Variants in TCF12 observed in about 807,000 individuals in gnomAD.
TCF12 encodes transcription factor 12, also known as DNA-binding protein HTF4.
A neutral mutation model predicts 86.0 loss-of-function variants in TCF12; 45 were observed. That is an observed-to-expected ratio of 0.52 (90% CI 0.41 to 0.67). The LOEUF is 0.67. Among genes scored for constraint, TCF12 ranks in the 30% least tolerant of loss-of-function variants. TCF12 has a pLI of 0.00. For missense variants in TCF12, 881 were observed against 859.9 expected (o/e 1.02, Z -0.31); for synonymous variants, 330 against 299.6 (o/e 1.10, Z -1.05).
At chr15:57,133,935 A>G (rs1881822168) in intron 5 of TCF12, among the ~76,000 whole-genome samples, 1 of 152,100 alleles carries the variant, frequency 6.6e-6, no homozygotes, top group Non-Finnish European at 1.5e-5. Context: ...TGTTGTTTTG[A>G]TATGCCACTT....
intron 17 of TCF12, 50 bp downstream of exon 17, chr15:57,262,258 G>A: frequency 7.8e-7 from 1 of 1,277,844 alleles, no homozygotes; most frequent in Non-Finnish European, 1.1e-6. Flanking sequence ...GATATCATTT[G>A]GAACACTGTC....
At chr15:57,177,919 C>T (rs1427771774) in intron 6 of TCF12, among the ~76,000 whole-genome samples, 1 of 152,020 alleles carries the variant, frequency 6.6e-6, no homozygotes, top group African/African-American at 2.4e-5. Context: ...CCATGTTGCC[C>T]AGGCTGCATT....
chr15:57,188,902 C>T (rs1176491650), intron 6 of TCF12, among the ~76,000 whole-genome samples: 1 of 152,208 alleles, frequency 6.6e-6, no homozygotes, highest in African/African-American at 2.4e-5. Flanking sequence ...ATCTTCCCAC[C>T]TCAGCCTCCT....
chr15:57,013,401 C>A (rs1046511431), intron 3 of TCF12, among the ~76,000 whole-genome samples: 10 of 152,190 alleles, frequency 6.6e-5, no homozygotes, highest in African/African-American at 2.4e-4. Flanking sequence ...ACCTCCACTT[C>A]CCAGGTTTAA....
At chr15:57,228,915 T>G (rs1361324865) in intron 8 of TCF12, among the ~76,000 whole-genome samples, 1 of 151,692 alleles carries the variant, frequency 6.6e-6, no homozygotes, top group Non-Finnish European at 1.5e-5. Flanking sequence ...AGAGACTGAC[T>G]TACTGTTTCA....
At position 57,275,981 on chromosome 15, in the gene TCF12, C is replaced by T. The variant is rs540599726; in HGVS notation, c.1978+2719C>T. ...TTAAGCTTTTCCATTATCATGACTA[C>T]AACGTTATTTGTACCTTTGCCATTT... is the stretch of plus-strand genomic sequence containing the variant. On this transcript the variant is annotated intron_variant, in intron 19 of 20. Transcript: ENST00000333725. Among the ~76,000 whole-genome samples, 33 of 152,296 alleles carry T rather than the reference C, an allele frequency of 2.2e-4. No homozygotes were observed. The East Asian group carries it at 6.0e-3, about 28-fold the overall frequency.
At position 57,289,619 on chromosome 15, in the gene TCF12, G is replaced by A. The variant is rs1055653305; in HGVS notation, c.*3474G>A. The A allele has an allele frequency of 1.3e-5, 2 of 151,882 alleles. No individual in the cohort carries two copies. Among genetic ancestry groups the A allele is most frequent in the African/African-American group, 4.8e-5 (2 of 41,334 alleles). The allele number at this position is 151,882 out of a possible 1,614,324, so 9.4% of individuals were successfully genotyped here. ...ACACACGTCGTGTGTGTGTGTGTGTGTGTGTCTGTGTGTGTGTGACTTAAA... is the reference window on the plus strand; with the variant it reads ...ACACACGTCGTGTGTGTGTGTGTGTATGTGTCTGTGTGTGTGTGACTTAAA... On this transcript the variant is annotated 3_prime_UTR_variant, in exon 21 of 21. Transcript: ENST00000333725.
intron 6 of TCF12, among the ~76,000 whole-genome samples, chr15:57,180,884 G>T (rs997501825): frequency 7.8e-6 from 1 of 129,022 alleles, no homozygotes; most frequent in African/African-American, 3.1e-5. Context: ...GTGTGATCTC[G>T]GCTCACTGCA....
chr15:56,989,959 T>C (rs1340862633), intron 3 of TCF12, among the ~76,000 whole-genome samples: 1 of 152,150 alleles, frequency 6.6e-6, no homozygotes, highest in Non-Finnish European at 1.5e-5. Flanking sequence ...CAATAGAGTT[T>C]ATTAGATTAT....
chr15:57,044,746 T>G (rs1448270417), intron 3 of TCF12, among the ~76,000 whole-genome samples: 1 of 152,196 alleles, frequency 6.6e-6, no homozygotes, highest in African/African-American at 2.4e-5. Flanking sequence ...GGATGACATA[T>G]TCTGCTTAGT....
At chr15:57,178,211 G>A (rs112049092) in intron 6 of TCF12, among the ~76,000 whole-genome samples, 2 of 152,148 alleles carry the variant, frequency 1.3e-5, no homozygotes, top group Non-Finnish European at 2.9e-5. Context: ...CGGAACAACA[G>A]AATGTTGACA....
chr15:57,186,268 G>A (rs1008441468), intron 6 of TCF12, among the ~76,000 whole-genome samples: 1 of 152,188 alleles, frequency 6.6e-6, no homozygotes, highest in Non-Finnish European at 1.5e-5. Context: ...GCAGGCTGAC[G>A]TGAGAGGATC....
chr15:57,054,063 G>GC, intron 3 of TCF12, among the ~76,000 whole-genome samples: 1 of 152,146 alleles, frequency 6.6e-6, no homozygotes, highest in African/African-American at 2.4e-5. Flanking sequence ...TTGAGTGGCA[G>GC]TTTTGTACTA....
chr15:57,142,379 T>A (rs1431502077), intron 5 of TCF12, among the ~76,000 whole-genome samples: 3 of 145,926 alleles, frequency 2.1e-5, no homozygotes, highest in African/African-American at 7.5e-5. Context: ...TATATGTCTA[T>A]ACAGATTCCC....
intron 3 of TCF12, among the ~76,000 whole-genome samples, chr15:57,019,779 C>A (rs1279427951): frequency 1.3e-5 from 2 of 152,076 alleles, no homozygotes; most frequent in African/African-American, 4.8e-5. Context: ...AATCTTGTGA[C>A]CTCTGGCCAC....
At chr15:57,272,977 A>C in intron 18 of TCF12, 53 bp from the exon 19 acceptor site, 3 of 1,514,484 alleles carry the variant, frequency 2.0e-6, no homozygotes, top group Non-Finnish European at 2.7e-6. Flanking sequence ...CACAATCAGC[A>C]TATCTTACTT....
chr15:57,254,815 G>T, intron 16 of TCF12, among the ~76,000 whole-genome samples: 1 of 72,132 alleles, frequency 1.4e-5, no homozygotes, highest in Admixed American at 1.3e-4. Flanking sequence ...CCATGTTCAT[G>T]CTACTGCACT....
chr15:57,270,132 G>C (rs1296200287), intron 18 of TCF12, among the ~76,000 whole-genome samples: 1 of 152,126 alleles, frequency 6.6e-6, no homozygotes, highest in African/African-American at 2.4e-5. Flanking sequence ...AGTTCTCCTG[G>C]ATAATATCCT....
rs529090194 is a variant in TCF12 at position 57,127,244 on chromosome 15, A to C, written c.325+35353A>C. Among the ~76,000 whole-genome samples the C allele has an allele frequency of 2.6e-4, 39 of 152,054 alleles. No individual in the cohort carries two copies. In the East Asian group the frequency reaches 6.6e-3, roughly 26 times the overall value. ...GTGATCCATTCATCTTGGCCTCCCA[A>C]AGTGCTGGGATTACAGGTGTGAGCC... On this transcript the variant is annotated intron_variant, in intron 5 of 20. Transcript: ENST00000333725.
Sources: allele counts gnomAD v4.1 joint callset (sites outside exome capture counted in the v4.1 genomes callset), GRCh38; gene constraint gnomAD v4.1.1; transcripts MANE v1.5; gene names NCBI Gene and HGNC (gene_info 2026-07-23, HGNC 2026-07-21).